Variants in CEMIP observed in about 807,000 individuals in gnomAD.
CEMIP encodes cell migration inducing hyaluronidase 1.
CEMIP carries 105 observed loss-of-function variants against 156.9 expected under a neutral mutation model. The ratio of observed to expected loss-of-function variants is 0.67; its 90% CI spans 0.57 to 0.79. The LOEUF is 0.79. CEMIP is among the 30% of genes least tolerant of loss of function. The probability of loss-of-function intolerance (pLI) is 0.00; values close to 1 mark genes in which losing one functional copy is unlikely to be tolerated. For synonymous variants in CEMIP, 676 were observed against 668.4 expected (o/e 1.01, Z -0.17); for missense variants, 1,457 against 1,769.4 (o/e 0.82, Z 3.17).
chr15:80,931,778 G>A (rs528796164), intron 21 of CEMIP, 81 bp from the exon 22 acceptor site: 781 of 1,429,724 alleles, frequency 5.5e-4, no homozygotes, highest in Admixed American at 7.4e-4. Flanking sequence ...CAAACATGGC[G>A]TTTAGACTGA....
rs1596199786 is a variant in CEMIP at position 80,929,176 on chromosome 15, T to C, written c.2612+2T>C. The C allele has an allele frequency of 6.2e-7, 1 of 1,614,218 alleles. No homozygotes were observed. The highest frequency in any genetic ancestry group is 8.5e-7 in the Non-Finnish European group (1 of 1,180,042). On this transcript the variant is annotated splice_donor_variant, in intron 21 of 29. Transcript: ENST00000394685. LOFTEE classifies it high-confidence loss of function. Reference sequence around the variant, plus strand: ...CGGAAGGACCCTCCCTATAGGCCAGTAGGTTTGCAACCATGTAGCTCCTTA... The same window carrying C: ...CGGAAGGACCCTCCCTATAGGCCAGCAGGTTTGCAACCATGTAGCTCCTTA...
intron 1 of CEMIP, among the ~76,000 whole-genome samples, chr15:80,807,897 A>G (rs564270420): frequency 1.3e-5 from 2 of 152,322 alleles, no homozygotes; most frequent in East Asian, 1.9e-4. Context: ...TGTAGAGAGC[A>G]TGTGTCAGGG....
Position 80,906,771 on chromosome 15 carries a change from A to C in CEMIP, c.1520A>C (p.Lys507Thr). 1 of 1,614,134 alleles carries C rather than the reference A, an allele frequency of 6.2e-7. No individual in the cohort carries two copies. The highest frequency in any genetic ancestry group is 2.2e-5 in the East Asian group (1 of 44,878). Residue 507 changes from lysine (K) to threonine (T), a missense_variant, in exon 13 of 30, where the codon AAA becomes ACA. Around this residue, in one of 5 missense-constraint regions of CEMIP, gnomAD observed 280 missense variants for 300.3 expected, o/e 0.93. Coordinates refer to ENST00000394685, the MANE Select transcript of CEMIP (RefSeq NM_001293298.2). The surrounding 1 kb of genome is among the most constrained non-coding windows in gnomAD (Gnocchi z 4.3). ...ATAGTGATGGGGGAGATGGAGGACA[A>C]ATGCTACCCCTACAGAAACCACATC... ...NIIVMGEMED[K>T]CYPYRNHICN...
At chr15:80,946,883 T>A in intron 28 of CEMIP, 82 bp from the exon 29 acceptor site, 2 of 904,176 alleles carry the variant, frequency 2.2e-6, no homozygotes, top group South Asian at 2.8e-5. Flanking sequence ...AGTCCCACCA[T>A]GCACAAACCA....
intron 1 of CEMIP, among the ~76,000 whole-genome samples, chr15:80,867,590 C>G (rs1898164302): frequency 1.3e-5 from 2 of 152,232 alleles, no homozygotes; most frequent in Admixed American, 1.3e-4. Context: ...GGTCCCCGCA[C>G]AGCAGCCCCA....
rs1295913722 is a variant in CEMIP, at chr15:80,884,203, A to G, written c.646A>G (p.Ser216Gly). The G allele has an allele frequency of 6.2e-7, 1 of 1,614,212 alleles. No homozygotes were observed. The highest frequency in any genetic ancestry group is 1.7e-5 in the Admixed American group (1 of 60,030). ...TGACACCTATAGATCCAAGAAAGAG[A>G]GTGAACGTCTGGTCCAGTATTTGAA... ...RFDTYRSKKE[S>G]ERLVQYLNAV... The change falls in exon 7 of 30, where the codon AGT (serine) becomes GGT (glycine). Residue 216 changes from serine to glycine, a missense_variant. This residue lies in a region of CEMIP where 309 missense variants were observed against 340.8 expected (regional missense o/e 0.91). Transcript: ENST00000394685.
rs78612316 is a variant in CEMIP, at chr15:80,899,266, G to A, written c.1411+3206G>A. 4.6e-5 allele frequency among the ~76,000 whole-genome samples: 7 copies of A among 151,912 alleles called. No individual in the cohort carries two copies. In the East Asian group the frequency reaches 1.4e-3, roughly 29 times the overall value. On this transcript the variant is annotated intron_variant, in intron 12 of 29. Coordinates refer to ENST00000394685, the MANE Select transcript of CEMIP (RefSeq NM_001293298.2). ...GAAAGAAAACACATACAATGTGCCA[G>A]GCAATGTGCCAGGCTTGTATATGCC... is the stretch of plus-strand genomic sequence containing the variant.
At chr15:80,814,146 T>C in intron 1 of CEMIP, among the ~76,000 whole-genome samples, 1 of 148,254 alleles carries the variant, frequency 6.7e-6, no homozygotes, top group East Asian at 2.1e-4. Flanking sequence ...CCTCTCGGGT[T>C]CACGCCATTC....
intron 1 of CEMIP, chr15:80,841,988 T>C (rs1260178257): frequency 2.4e-6 from 1 of 414,364 alleles, no homozygotes; most frequent in Non-Finnish European, 4.8e-6. Flanking sequence ...GCCTGGGATA[T>C]ATTAAGAGCT....
intron 1 of CEMIP, among the ~76,000 whole-genome samples, chr15:80,843,240 C>T (rs1897468731): frequency 6.6e-6 from 1 of 152,220 alleles, no homozygotes; most frequent in Non-Finnish European, 1.5e-5. Flanking sequence ...GGTAACTCAC[C>T]AGTCCAGTGG....
chr15:80,931,902 A>G lies in CEMIP; in HGVS notation c.2656A>G (p.Asn886Asp), dbSNP rs547412743. Residue 886 changes from asparagine (N) to aspartate (D), a missense_variant, in exon 22 of 30, where the codon AAC becomes GAC. This residue lies in a region of CEMIP where 798 missense variants were observed against 980.1 expected (regional missense o/e 0.81). Coordinates refer to ENST00000394685, the MANE Select transcript of CEMIP (RefSeq NM_001293298.2). ...RGIQLYDGPI[N>D]IQNCTFRKFV... Reference sequence around the variant, plus strand: ...AATTCAGTTATATGATGGCCCCATCAACATCCAAAACTGCACTTTCCGAAA... The same window carrying G: ...AATTCAGTTATATGATGGCCCCATCGACATCCAAAACTGCACTTTCCGAAA... 26 of 1,614,124 alleles carry G rather than the reference A, an allele frequency of 1.6e-5. No homozygotes were observed. The highest frequency in any genetic ancestry group is 2.0e-5 in the Non-Finnish European group (24 of 1,180,050).
chr15:80,844,228 C>T (rs944153304), intron 1 of CEMIP, among the ~76,000 whole-genome samples: 1 of 152,238 alleles, frequency 6.6e-6, no homozygotes, highest in Non-Finnish European at 1.5e-5. Context: ...TGTGCCCCCA[C>T]CCCTGTCGCG....
At chr15:80,845,171 C>T (rs1210954177) in intron 1 of CEMIP, among the ~76,000 whole-genome samples, 1 of 152,094 alleles carries the variant, frequency 6.6e-6, no homozygotes, top group African/African-American at 2.4e-5. Flanking sequence ...TATATTGAGG[C>T]CGGGTGTGAT....
At chr15:80,841,515 A>G (rs7182458) in intron 1 of CEMIP, among the ~76,000 whole-genome samples, 134,452 of 152,270 alleles carry the variant, frequency 0.88, 59,494 homozygotes, top group East Asian at 0.98. Context: ...GGAAGCGGGC[A>G]AGGGATATGA....
chr15:80,919,531 TGGCAC>T (rs1279966352), intron 14 of CEMIP, among the ~76,000 whole-genome samples: 1 of 152,010 alleles, frequency 6.6e-6, no homozygotes, highest in Non-Finnish European at 1.5e-5. Context: ...TCACCATCCC[TGGCAC>T]GGCGCGGTGG....
intron 21 of CEMIP, 126 bp downstream of exon 21, chr15:80,929,300 C>A: frequency 1.7e-6 from 2 of 1,194,770 alleles, no homozygotes; most frequent in Non-Finnish European, 2.5e-6. Flanking sequence ...CCAGAGGAAT[C>A]ACTGAGGTGA....
Position 80,948,976 on chromosome 15 carries a change from G to T in CEMIP, c.*52G>T, listed in dbSNP as rs762842239. 21 of 1,612,230 alleles carry T rather than the reference G, an allele frequency of 1.3e-5. No homozygotes were observed. The highest frequency in any genetic ancestry group is 1.6e-5 in the Non-Finnish European group (19 of 1,178,822). On this transcript the variant is annotated 3_prime_UTR_variant, in exon 30 of 30. Coordinates refer to ENST00000394685, the MANE Select transcript of CEMIP (RefSeq NM_001293298.2). ...GTGGTAGACTATGACGGTGACTCTT[G>T]GCAGCAGACCAGTGGGGGATGGCTG...
At chr15:80,806,718 A>T (rs1361899029) in intron 1 of CEMIP, among the ~76,000 whole-genome samples, 1 of 152,228 alleles carries the variant, frequency 6.6e-6, no homozygotes, top group African/African-American at 2.4e-5. Flanking sequence ...AAGAAAAATA[A>T]TCTCTAACCT....
intron 12 of CEMIP, among the ~76,000 whole-genome samples, chr15:80,898,932 A>G (rs559294517): frequency 2.6e-5 from 4 of 152,280 alleles, no homozygotes; most frequent in South Asian, 2.1e-4. Flanking sequence ...AAGCACATAC[A>G]GGCCGGGCGC....
Sources: allele counts gnomAD v4.1 joint callset (sites outside exome capture counted in the v4.1 genomes callset), GRCh38; gene constraint gnomAD v4.1.1; regional missense constraint gnomAD v4.1.1; non-coding constraint Gnocchi (gnomAD v3.1); transcripts MANE v1.5; gene names NCBI Gene and HGNC (gene_info 2026-07-23, HGNC 2026-07-21).